PTPRD: variants seen among roughly 807,000 people sequenced by gnomAD.
PTPRD encodes the protein protein tyrosine phosphatase receptor type D.
A neutral mutation model predicts 214.5 loss-of-function variants in PTPRD; 34 were observed. The observed-to-expected ratio is 0.16, with a 90% CI of 0.12 to 0.21. The LOEUF (loss-of-function observed/expected upper bound fraction) is 0.21, where lower values mean the gene tolerates loss of function less well. PTPRD is among the 10% of genes least tolerant of loss of function. The probability of loss-of-function intolerance (pLI) is 1.00; values close to 1 mark genes in which losing one functional copy is unlikely to be tolerated. For missense variants in PTPRD, 2,545 were observed against 2,398.7 expected (o/e 1.06, Z -1.27); for synonymous variants, 1,128 against 845.7 (o/e 1.33, Z -5.79).
intron 11 of PTPRD, among the ~76,000 whole-genome samples, chr9:8,988,510 A>G (rs1176499636): frequency 1.3e-5 from 2 of 152,134 alleles, no homozygotes; most frequent in Non-Finnish European, 2.9e-5. Context: ...GCTTGATTTA[A>G]TAACTTTATT....
intron 9 of PTPRD, among the ~76,000 whole-genome samples, chr9:9,319,914 T>A (rs1228693050): frequency 6.6e-6 from 1 of 152,174 alleles, no homozygotes; most frequent in African/African-American, 2.4e-5. Context: ...CATGGTTACA[T>A]AAAGTCCTTT....
intron 5 of PTPRD, among the ~76,000 whole-genome samples, chr9:9,783,421 T>C (rs1012093209): frequency 3.3e-5 from 5 of 152,176 alleles, no homozygotes; most frequent in African/African-American, 1.2e-4. Context: ...TACTGAATCA[T>C]GACAAGTAAT....
intron 33 of PTPRD, chr9:8,454,520 A>G (rs2096101013): frequency 6.3e-7 from 1 of 1,587,224 alleles, no homozygotes; most frequent in South Asian, 1.1e-5. Flanking sequence ...ACAACTCTGA[A>G]GTCTACCAGT....
At chr9:8,977,458 C>G (rs1027223110) in intron 11 of PTPRD, among the ~76,000 whole-genome samples, 1 of 152,078 alleles carries the variant, frequency 6.6e-6, no homozygotes, top group African/African-American at 2.4e-5. Flanking sequence ...CTCATTTAAA[C>G]TAAATTATTG....
At chr9:9,206,399 G>C (rs140947924) in intron 9 of PTPRD, among the ~76,000 whole-genome samples, 6 of 152,204 alleles carry the variant, frequency 3.9e-5, no homozygotes. Context: ...ACTGGAGTGA[G>C]AGTTGGGGGA....
At chr9:8,989,710 G>A (rs1160127763) in intron 11 of PTPRD, among the ~76,000 whole-genome samples, 2 of 152,058 alleles carry the variant, frequency 1.3e-5, no homozygotes, top group Non-Finnish European at 2.9e-5. Context: ...TTAAGATATA[G>A]AAAGTTCACT....
At chr9:10,189,372 C>T (rs1383008831) in intron 3 of PTPRD, among the ~76,000 whole-genome samples, 3 of 152,204 alleles carry the variant, frequency 2.0e-5, no homozygotes, top group Non-Finnish European at 4.4e-5. Context: ...AGGAAGCTAG[C>T]CCAGAATTCC....
rs1348968128 is a variant in PTPRD, at chr9:10,612,976, C to A, written c.-996G>T. Among the ~76,000 whole-genome samples, 2 of 151,374 alleles carry A rather than the reference C, an allele frequency of 1.3e-5. No individual in the cohort carries two copies. Among genetic ancestry groups the A allele is most frequent in the East Asian group, 2.0e-4 (1 of 5,122 alleles). On this transcript the variant is annotated 5_prime_UTR_variant, in exon 1 of 46. Transcript: ENST00000381196. ...CCGCACTCGCTCGCTCGCTCGCTGG[C>A]GCTCCCTCCTCGTCTCGCTCGCACT...
At chr9:8,966,191 G>C (rs1189641156) in intron 11 of PTPRD, among the ~76,000 whole-genome samples, 2 of 151,966 alleles carry the variant, frequency 1.3e-5, no homozygotes, top group Non-Finnish European at 2.9e-5. Flanking sequence ...GCAATCTATA[G>C]ATTCAATGCT....
At chr9:10,198,507 A>C (rs917394914) in intron 3 of PTPRD, among the ~76,000 whole-genome samples, 1 of 152,174 alleles carries the variant, frequency 6.6e-6, no homozygotes, top group Non-Finnish European at 1.5e-5. Context: ...AAAGATTCAC[A>C]GGACATTTGA....
At chr9:9,466,073 T>A (rs537973171) in intron 8 of PTPRD, among the ~76,000 whole-genome samples, 1 of 152,130 alleles carries the variant, frequency 6.6e-6, no homozygotes, top group African/African-American at 2.4e-5. Context: ...CTTTGGAAGC[T>A]GAGATGAATG....
intron 14 of PTPRD, among the ~76,000 whole-genome samples, chr9:8,597,075 G>A (rs188066023): frequency 9.9e-5 from 15 of 152,110 alleles, no homozygotes; most frequent in African/African-American, 3.1e-4. Flanking sequence ...GAAAAAAAGC[G>A]CATTTTTAAA....
chr9:9,990,151 C>T (rs576991663), intron 4 of PTPRD, among the ~76,000 whole-genome samples: 1 of 152,172 alleles, frequency 6.6e-6, no homozygotes, highest in African/African-American at 2.4e-5. Flanking sequence ...TTCAGTTTCC[C>T]TTCACAGAGG....
At chr9:8,380,457 T>C (rs897278960) in intron 37 of PTPRD, among the ~76,000 whole-genome samples, 1 of 152,180 alleles carries the variant, frequency 6.6e-6, no homozygotes, top group Non-Finnish European at 1.5e-5. Flanking sequence ...GTAACTTTAC[T>C]TGAAGCTTAA....
At chr9:8,971,517 T>G (rs756585150) in intron 11 of PTPRD, among the ~76,000 whole-genome samples, 2 of 151,714 alleles carry the variant, frequency 1.3e-5, no homozygotes, top group African/African-American at 4.8e-5. Flanking sequence ...TTGTGAATAT[T>G]AAATGAATTG....
chr9:9,090,066 G>A (rs1393517476), intron 10 of PTPRD, among the ~76,000 whole-genome samples: 1 of 151,858 alleles, frequency 6.6e-6, no homozygotes, highest in East Asian at 1.9e-4. Context: ...CTTTGCATTG[G>A]GAACATTTTA....
chr9:8,705,898 A>G (rs2098196072), intron 12 of PTPRD, among the ~76,000 whole-genome samples: 1 of 152,212 alleles, frequency 6.6e-6, no homozygotes, highest in African/African-American at 2.4e-5. Flanking sequence ...GAGTTCTCTG[A>G]AAGCTCTATC....
intron 11 of PTPRD, among the ~76,000 whole-genome samples, chr9:8,806,200 C>T (rs1346948994): frequency 6.8e-6 from 1 of 146,912 alleles, no homozygotes; most frequent in Non-Finnish European, 1.5e-5. Context: ...GCTGGGATTA[C>T]AGGCATGGAG....
At chr9:10,051,330 T>G (rs1333087688) in intron 3 of PTPRD, among the ~76,000 whole-genome samples, 1 of 152,168 alleles carries the variant, frequency 6.6e-6, no homozygotes, top group Non-Finnish European at 1.5e-5. Context: ...CTCATTCTTC[T>G]CCTACTGTGA....
Sources: allele counts gnomAD v4.1 joint callset (sites outside exome capture counted in the v4.1 genomes callset), GRCh38; gene constraint gnomAD v4.1.1; transcripts MANE v1.5; gene names NCBI Gene and HGNC (gene_info 2026-07-23, HGNC 2026-07-21).